The following BIK variants were observed in gnomAD, a reference collection of about 807,000 sequenced individuals.
The protein encoded by BIK is bcl-2-interacting killer.
A neutral mutation model predicts 12.1 loss-of-function variants in BIK; 14 were observed. The ratio of observed to expected loss-of-function variants is 1.16; its 90% CI spans 0.77 to 1.81. The LOEUF (loss-of-function observed/expected upper bound fraction) is 1.81, where lower values mean the gene tolerates loss of function less well. Among genes scored for constraint, BIK ranks in the 40% most tolerant of loss-of-function variants. BIK has a pLI of 0.00. For synonymous variants in BIK, 86 were observed against 92.3 expected, an observed-to-expected ratio of 0.93 and a Z score of 0.39; for missense variants, 215 against 207.9, an observed-to-expected ratio of 1.03 and a Z score of -0.21.
intron 4 of BIK, 121 bp from the exon 5 acceptor site, chr22:43,129,092 C>T (rs1569468627): frequency 6.5e-6 from 10 of 1,533,414 alleles, no homozygotes; most frequent in Non-Finnish European, 8.0e-6. Context: ...CTTCTCTGGT[C>T]CCCTCGAGCT....
chr22:43,112,104 C>G (rs1270971738), intron 1 of BIK, among the ~76,000 whole-genome samples: 2 of 152,194 alleles, frequency 1.3e-5, no homozygotes, highest in African/African-American at 2.4e-5. Context: ...AGTTAGTAGC[C>G]TCCCTGGAGT....
intron 1 of BIK, among the ~76,000 whole-genome samples, chr22:43,121,612 A>G (rs1440049244): frequency 2.6e-5 from 4 of 152,004 alleles, no homozygotes; most frequent in African/African-American, 9.7e-5. Flanking sequence ...GGTCTCCAGG[A>G]GCACAAAGCA....
chr22:43,129,250 T>C lies in BIK; in HGVS notation c.428T>C (p.Leu143Pro), dbSNP rs145876995. 3.4e-5 allele frequency: 54 copies of C among 1,591,198 alleles called. No homozygotes were observed. Among genetic ancestry groups the C allele is most frequent in the Non-Finnish European group, 4.3e-5 (51 of 1,172,848 alleles). The change falls in exon 5 of 5, where the codon CTG becomes CCG. Residue 143 changes from leucine (L) to proline (P), a missense_variant. By Grantham distance (98) the Leu-to-Pro change is moderately conservative. Transcript: ENST00000216115. ...CEQVLLALLL[L>P]LALLLPLLSG... ...CAGGTGCTGCTGGCGCTGCTGCTGC[T>C]GCTGGCGCTGCTGCTGCCGCTGCTC...
At chr22:43,120,988 A>G (rs190692608) in intron 1 of BIK, among the ~76,000 whole-genome samples, 4 of 152,296 alleles carry the variant, frequency 2.6e-5, no homozygotes, top group Middle Eastern at 3.4e-3. Flanking sequence ...CAGCCTGGCC[A>G]ACATGGTAAA....
chr22:43,120,159 A>G (rs1930192671), intron 1 of BIK, among the ~76,000 whole-genome samples: 1 of 152,162 alleles, frequency 6.6e-6, no homozygotes, highest in Admixed American at 6.6e-5. Flanking sequence ...GCAGGGCCAC[A>G]GGGGGAGGGC....
chr22:43,113,119 G>A (rs1930042859), intron 1 of BIK, among the ~76,000 whole-genome samples: 1 of 152,134 alleles, frequency 6.6e-6, no homozygotes, highest in African/African-American at 2.4e-5. Context: ...CAGGAGAACT[G>A]CTTGAATCTG....
intron 1 of BIK, among the ~76,000 whole-genome samples, chr22:43,120,527 G>A (rs1294516910): frequency 2.0e-5 from 3 of 152,200 alleles, no homozygotes; most frequent in Non-Finnish European, 4.4e-5. Context: ...ACAGGGTCAG[G>A]GTTGAGGCTG....
intron 1 of BIK, among the ~76,000 whole-genome samples, chr22:43,122,666 G>A (rs571909065): frequency 1.3e-5 from 2 of 152,282 alleles, no homozygotes; most frequent in Admixed American, 6.5e-5. Context: ...CATGGGATTC[G>A]CAATGATCAT....
At chr22:43,115,285 G>A (rs1930089027) in intron 1 of BIK, among the ~76,000 whole-genome samples, 1 of 152,120 alleles carries the variant, frequency 6.6e-6, no homozygotes, top group African/African-American at 2.4e-5. Context: ...CCTGGGGGAT[G>A]TTGGTAACAG....
intron 2 of BIK, among the ~76,000 whole-genome samples, chr22:43,126,618 T>C (rs1433147731): frequency 6.6e-6 from 1 of 152,122 alleles, no homozygotes; most frequent in Non-Finnish European, 1.5e-5. Context: ...TGCTTTCTGC[T>C]GGGGAATCCT....
At chr22:43,129,178 G>T in intron 4 of BIK, 35 bp from the exon 5 acceptor site, 1 of 1,601,480 alleles carries the variant, frequency 6.2e-7, no homozygotes. Context: ...GCCGGGGCCT[G>T]CCCCGAGCCT....
At chr22:43,111,407 C>T (rs1249065854) in intron 1 of BIK, among the ~76,000 whole-genome samples, 1 of 152,228 alleles carries the variant, frequency 6.6e-6, no homozygotes, top group African/African-American at 2.4e-5. Context: ...CGCTTGCCCA[C>T]GCGCCCTGCA....
chr22:43,115,990 A>G (rs146569038), intron 1 of BIK, among the ~76,000 whole-genome samples: 1 of 151,986 alleles, frequency 6.6e-6, no homozygotes, highest in Non-Finnish European at 1.5e-5. Context: ...TCCTGACCTT[A>G]GTTGATCCAT....
rs972507517 is a variant in BIK, at chr22:43,116,955, T to C, written c.-8+6152T>C. ...CCTGTCTCAAAATAGTAATACTCCA[T>C]ATTGGGCCTCTCACAGGGGAATCTT... On this transcript the variant is annotated intron_variant, in intron 1 of 4. Transcript: ENST00000216115. 2.6e-5 allele frequency among the ~76,000 whole-genome samples: 4 copies of C among 152,018 alleles called. No individual in the cohort carries two copies. The South Asian group carries it at 8.3e-4, about 32-fold the overall frequency.
chr22:43,124,776 C>T (rs1291994303), intron 2 of BIK, among the ~76,000 whole-genome samples: 2 of 152,008 alleles, frequency 1.3e-5, no homozygotes, highest in Non-Finnish European at 2.9e-5. Flanking sequence ...TCTGTAGTCC[C>T]AGCTAGTCGG....
At chr22:43,126,962 G>A (rs1349704422) in intron 2 of BIK, among the ~76,000 whole-genome samples, 7 of 152,226 alleles carry the variant, frequency 4.6e-5, no homozygotes, top group South Asian at 2.1e-4. Context: ...GCCCAGGGCC[G>A]GCCTCAGCTC....
chr22:43,118,796 C>T (rs1346228274), intron 1 of BIK, among the ~76,000 whole-genome samples: 10 of 152,052 alleles, frequency 6.6e-5, no homozygotes, highest in African/African-American at 2.2e-4. Context: ...AGGGTCCCTA[C>T]CAGGAGTTCG....
chr22:43,125,757 AAG>A (rs915826056), intron 2 of BIK, among the ~76,000 whole-genome samples: 3 of 152,052 alleles, frequency 2.0e-5, no homozygotes, highest in Non-Finnish European at 4.4e-5. Flanking sequence ...AGAAAGAAAA[AAG>A]AAAGAAAACC....
intron 1 of BIK, among the ~76,000 whole-genome samples, chr22:43,113,293 A>G (rs573702388): frequency 6.6e-6 from 1 of 152,150 alleles, no homozygotes; most frequent in Non-Finnish European, 1.5e-5. Flanking sequence ...GGCTGCATAC[A>G]TGTTAGTTAT....
Sources: allele counts gnomAD v4.1 joint callset (sites outside exome capture counted in the v4.1 genomes callset), GRCh38; gene constraint gnomAD v4.1.1; transcripts MANE v1.5; gene names NCBI Gene and HGNC (gene_info 2026-07-23, HGNC 2026-07-21).